Variants in PKD2L2 observed in about 807,000 individuals in gnomAD.
PKD2L2 encodes polycystin 2 like 2, transient receptor potential cation channel.
PKD2L2 carries 67 observed loss-of-function variants against 83.9 expected under a neutral mutation model. The ratio of observed to expected loss-of-function variants is 0.80; its 90% CI spans 0.66 to 0.98. PKD2L2 has a LOEUF of 0.98. Among genes scored for constraint, PKD2L2 ranks in the 50% least tolerant of loss-of-function variants. The probability of loss-of-function intolerance (pLI) is 0.00; values close to 1 mark genes in which losing one functional copy is unlikely to be tolerated. For missense variants in PKD2L2, 632 were observed against 717.2 expected (o/e 0.88, Z 1.36); for synonymous variants, 223 against 237.8 (o/e 0.94, Z 0.57).
rs1163496376 is a variant in PKD2L2 at position 137,936,401 on chromosome 5, A to C, written c.1866A>C (p.Ser622=). Residue 622 remains serine, a synonymous_variant, in exon 14 of 15, where the codon TCA becomes TCC. Coordinates refer to ENST00000508883, the MANE Select transcript of PKD2L2 (RefSeq NM_001300921.2). ...LKLNQVVRKV[S]AL ...TAAATCAAGTGGTGAGAAAGGTTTC[A>C]GCTCTATAGTATTGAGACAAGTGGA... 3.0e-5 allele frequency: 46 copies of C among 1,535,108 alleles called. No individual in the cohort carries two copies. The highest frequency in any genetic ancestry group is 4.0e-5 in the Non-Finnish European group (46 of 1,145,854).
At chr5:137,915,734 AAAAC>A (rs1471654646) in intron 8 of PKD2L2, among the ~76,000 whole-genome samples, 2 of 152,224 alleles carry the variant, frequency 1.3e-5, no homozygotes, top group African/African-American at 4.8e-5. Flanking sequence ...ATTGTGTCCA[AAAAC>A]AAACTGAAAA....
At chr5:137,911,214 T>C (rs961330513) in intron 8 of PKD2L2, among the ~76,000 whole-genome samples, 1 of 152,236 alleles carries the variant, frequency 6.6e-6, no homozygotes, top group African/African-American at 2.4e-5. Context: ...AGTGGAATCA[T>C]ATGTTATTTG....
At chr5:137,898,404 T>G (rs926727897) in intron 4 of PKD2L2, among the ~76,000 whole-genome samples, 1 of 152,248 alleles carries the variant, frequency 6.6e-6, no homozygotes, top group Non-Finnish European at 1.5e-5. Context: ...TTATGAAGCA[T>G]GTTTTTTACC....
chr5:137,931,183 CATTCTGTAG>C (rs1759846045), intron 12 of PKD2L2, among the ~76,000 whole-genome samples: 1 of 152,096 alleles, frequency 6.6e-6, no homozygotes, highest in South Asian at 2.1e-4. Flanking sequence ...TAAACAAATC[CATTCTGTAG>C]AAGAAATGAA....
rs748524408 is a variant in PKD2L2, at chr5:137,889,534, T to G, written c.31+12T>G. On this transcript the variant is annotated intron_variant, in intron 1 of 14. Transcript: ENST00000508883. ...GTGGCACCGAGGCGGTGAGGGGTCC[T>G]CTTAAGGAGTGGGAGGGACAGGGGC... 9.7e-6 allele frequency: 15 copies of G among 1,545,148 alleles called. No homozygotes were observed. Among genetic ancestry groups the G allele is most frequent in the African/African-American group, 1.5e-5 (1 of 68,860 alleles).
At chr5:137,909,612 A>G (rs1418445210) in intron 8 of PKD2L2, among the ~76,000 whole-genome samples, 2 of 145,258 alleles carry the variant, frequency 1.4e-5, no homozygotes, top group East Asian at 4.0e-4. Context: ...TGGCGTTATC[A>G]CAGCTCATTG....
intron 4 of PKD2L2, among the ~76,000 whole-genome samples, chr5:137,897,050 ATT>A (rs1756543523): frequency 6.9e-6 from 1 of 145,980 alleles, no homozygotes; most frequent in Non-Finnish European, 1.5e-5. Context: ...TATTATTATT[ATT>A]ATTATTATTA....
chr5:137,940,475 A>C (rs1253057509), intron 14 of PKD2L2: 1 of 658,598 alleles, frequency 1.5e-6, no homozygotes, highest in Non-Finnish European at 2.5e-6. Flanking sequence ...CTGTTAAAAA[A>C]AAAAAAAAAG....
Position 137,890,583 on chromosome 5 carries a change from G to A in PKD2L2, c.133+1G>A. 8.3e-7 allele frequency: 1 copy of A among 1,200,788 alleles called. No individual in the cohort carries two copies. The allele number at this position is 1,200,788 out of a possible 1,614,324, so 74.4% of individuals were successfully genotyped here. On this transcript the variant is annotated splice_donor_variant, in intron 2 of 14. Transcript: ENST00000508883. LOFTEE classifies it high-confidence loss of function. ...ATTTTTTTAATAAACCTATGTATAT[G>A]TAAGTACACAGATATAAAGATGCTG...
chr5:137,923,336 AT>A, intron 9 of PKD2L2, 83 bp from the exon 10 acceptor site: 1 of 726,568 alleles, frequency 1.4e-6, no homozygotes. Flanking sequence ...TTTAAATATA[AT>A]TTTACAAACC....
intron 14 of PKD2L2, among the ~76,000 whole-genome samples, chr5:137,936,811 A>G (rs1760468057): frequency 6.6e-6 from 1 of 152,216 alleles, no homozygotes; most frequent in Non-Finnish European, 1.5e-5. Flanking sequence ...TTTCAGGCAC[A>G]CTTTAAAAAG....
chr5:137,917,318 C>A (rs1758465166), intron 8 of PKD2L2, among the ~76,000 whole-genome samples: 1 of 152,022 alleles, frequency 6.6e-6, no homozygotes, highest in Admixed American at 6.6e-5. Flanking sequence ...GCATGTGCCA[C>A]CACACCCATC....
chr5:137,925,138 A>AT (rs1260402083), intron 11 of PKD2L2, 34 bp downstream of exon 11: 1 of 1,317,408 alleles, frequency 7.6e-7, no homozygotes, highest in Non-Finnish European at 1.1e-6. Context: ...TTAACTTACC[A>AT]TTTTAAAGTT....
intron 5 of PKD2L2, among the ~76,000 whole-genome samples, chr5:137,903,498 A>G (rs532384357): frequency 6.6e-6 from 1 of 152,338 alleles, no homozygotes; most frequent in East Asian, 1.9e-4. Flanking sequence ...TCTTGAGACA[A>G]AAATTGGTAA....
intron 3 of PKD2L2, 91 bp from the exon 4 acceptor site, chr5:137,894,262 A>G: frequency 8.9e-7 from 1 of 1,128,986 alleles, no homozygotes; most frequent in Non-Finnish European, 1.3e-6. Context: ...TTTGATTTTC[A>G]TACTCAAAAT....
chr5:137,929,559 A>AAAC (rs1580989753), intron 12 of PKD2L2, among the ~76,000 whole-genome samples: 1 of 147,752 alleles, frequency 6.8e-6, no homozygotes, highest in African/African-American at 2.5e-5. Flanking sequence ...AAAAAAAAAA[A>AAAC]CAGACCACAC....
intron 12 of PKD2L2, among the ~76,000 whole-genome samples, chr5:137,926,333 G>A (rs575953767): frequency 6.7e-6 from 1 of 149,654 alleles, no homozygotes; most frequent in Non-Finnish European, 1.5e-5. Flanking sequence ...GAACATATAT[G>A]TTCCTTAAAT....
chr5:137,917,323 C>A (rs1175841330), intron 8 of PKD2L2, among the ~76,000 whole-genome samples: 8 of 152,190 alleles, frequency 5.3e-5, no homozygotes, highest in Non-Finnish European at 8.8e-5. Flanking sequence ...TGCCACCACA[C>A]CCATCTAATT....
chr5:137,930,527 C>T (rs1269182488), intron 12 of PKD2L2, among the ~76,000 whole-genome samples: 1 of 151,596 alleles, frequency 6.6e-6, no homozygotes, highest in Admixed American at 6.6e-5. Flanking sequence ...AAAAATTAGC[C>T]GGGTGTGGTG....
Sources: gnomAD v4.1 joint callset for allele counts (sites outside exome capture counted in the v4.1 genomes callset) on GRCh38, gnomAD v4.1.1 for gene constraint, MANE v1.5 for transcripts, NCBI Gene and HGNC (gene_info 2026-07-23, HGNC 2026-07-21) for gene names.